CYRIA: variants seen among roughly 807,000 people sequenced by gnomAD.
CYRIA encodes CYFIP-related Rac1 interactor A.
In CYRIA, 15 loss-of-function variants were observed where a neutral mutation model predicts 43.9. The observed-to-expected ratio is 0.34, with a 90% confidence interval of 0.23 to 0.53. CYRIA has a LOEUF of 0.53. Ranked by LOEUF, CYRIA falls within the 20% of genes least tolerant of loss-of-function variation. The probability of loss-of-function intolerance (pLI) is 0.94; values close to 1 mark genes in which losing one functional copy is unlikely to be tolerated. For missense variants in CYRIA, 236 were observed against 394.2 expected (o/e 0.60, Z 3.40); for synonymous variants, 117 against 136.0 (o/e 0.86, Z 0.97).
intron 1 of CYRIA, among the ~76,000 whole-genome samples, chr2:16,663,942 A>C (rs1425739756): frequency 1.3e-5 from 2 of 152,140 alleles, no homozygotes; most frequent in African/African-American, 4.8e-5. Context: ...TTTTCCATTC[A>C]TTGAACCAAA....
At chr2:16,589,035 T>A (rs1667831895) in intron 2 of CYRIA, among the ~76,000 whole-genome samples, 1 of 152,104 alleles carries the variant, frequency 6.6e-6, no homozygotes, top group South Asian at 2.1e-4. Flanking sequence ...GCTCTAGACA[T>A]TAAACTATCT....
At chr2:16,601,603 T>C (rs945984471) in intron 2 of CYRIA, among the ~76,000 whole-genome samples, 4 of 152,024 alleles carry the variant, frequency 2.6e-5, no homozygotes, top group Non-Finnish European at 4.4e-5. Context: ...ATGACCGCTT[T>C]CTTGGCTCTC....
chr2:16,632,082 GA>G (rs1482792782), intron 1 of CYRIA, among the ~76,000 whole-genome samples: 2 of 152,222 alleles, frequency 1.3e-5, no homozygotes, highest in Non-Finnish European at 2.9e-5. Context: ...GTGTTCCGTA[GA>G]GACCACTTAT....
At chr2:16,623,655 C>T (rs1669068989) in intron 2 of CYRIA, among the ~76,000 whole-genome samples, 1 of 152,192 alleles carries the variant, frequency 6.6e-6, no homozygotes, top group Non-Finnish European at 1.5e-5. Context: ...ATGTAATTCT[C>T]AGCTACCCTC....
intron 2 of CYRIA, among the ~76,000 whole-genome samples, chr2:16,590,480 AAG>A (rs912390938): frequency 9.9e-5 from 15 of 152,186 alleles, no homozygotes; most frequent in African/African-American, 3.6e-4. Context: ...AATGTATCAT[AAG>A]AGACTTGCAT....
chr2:16,565,892 T>A, intron 3 of CYRIA, 125 bp from the exon 4 acceptor site: 1 of 925,660 alleles, frequency 1.1e-6, no homozygotes, highest in African/African-American at 1.7e-5. Flanking sequence ...TATTTACTCT[T>A]TAACCTAATA....
At chr2:16,620,072 G>A (rs961446698) in intron 2 of CYRIA, among the ~76,000 whole-genome samples, 1 of 152,196 alleles carries the variant, frequency 6.6e-6, no homozygotes, top group Non-Finnish European at 1.5e-5. Flanking sequence ...GAAACTCCTT[G>A]AGGTGCTGAC....
At chr2:16,643,215 C>T (rs1669727448) in intron 1 of CYRIA, among the ~76,000 whole-genome samples, 1 of 152,142 alleles carries the variant, frequency 6.6e-6, no homozygotes, top group African/African-American at 2.4e-5. Flanking sequence ...ATGAAGTAGG[C>T]ATTCAATAAA....
At chr2:16,665,115 T>C (rs1670355770) in intron 1 of CYRIA, among the ~76,000 whole-genome samples, 1 of 152,096 alleles carries the variant, frequency 6.6e-6, no homozygotes, top group African/African-American at 2.4e-5. Flanking sequence ...ACAAGACAGG[T>C]GTCTCCACCA....
At chr2:16,588,429 T>TAA (rs74552750) in intron 2 of CYRIA, among the ~76,000 whole-genome samples, 4,015 of 140,276 alleles carry the variant, frequency 0.029, 179 homozygotes, top group South Asian at 0.09. Context: ...GTTCACCATA[T>TAA]AAAAAAAAAA....
intron 1 of CYRIA, among the ~76,000 whole-genome samples, chr2:16,657,237 G>A (rs73918640): frequency 0.08 from 12,171 of 152,160 alleles, 842 homozygotes; most frequent in African/African-American, 0.19. Context: ...CTCACGCTCG[G>A]CTGAGGCTTT....
intron 1 of CYRIA, among the ~76,000 whole-genome samples, chr2:16,647,196 TCC>T (rs1669845668): frequency 6.6e-6 from 1 of 152,240 alleles, no homozygotes; most frequent in Non-Finnish European, 1.5e-5. Flanking sequence ...GGTACAATCT[TCC>T]TTCCAAAAAG....
intron 1 of CYRIA, among the ~76,000 whole-genome samples, chr2:16,655,833 A>G (rs1378688936): frequency 6.6e-6 from 1 of 151,880 alleles, no homozygotes; most frequent in African/African-American, 2.4e-5. Flanking sequence ...CTAAAGTCGC[A>G]TATGCAAATG....
chr2:16,624,638 T>TCAGAG (rs1669100959), intron 1 of CYRIA, among the ~76,000 whole-genome samples: 1 of 152,216 alleles, frequency 6.6e-6, no homozygotes, highest in African/African-American at 2.4e-5. Flanking sequence ...TGTCCACGTT[T>TCAGAG]CAGAGAAACA....
chr2:16,620,369 A>G (rs1357867083), intron 2 of CYRIA, among the ~76,000 whole-genome samples: 1 of 152,226 alleles, frequency 6.6e-6, no homozygotes, highest in Non-Finnish European at 1.5e-5. Context: ...CTATCTGTGT[A>G]CTAAGACTGG....
chr2:16,578,369 C>A (rs116409641), intron 3 of CYRIA, among the ~76,000 whole-genome samples: 2,620 of 152,236 alleles, frequency 0.017, 33 homozygotes, highest in Non-Finnish European at 0.026. Context: ...AATTAACAAA[C>A]ACAAAGCAAG....
chr2:16,561,294 G>T lies in CYRIA; in HGVS notation c.514-17C>A, dbSNP rs775269991. ...AATGTCTAGCTGATGAAAATAAGAA[G>T]AGAAGATGGATTTATAAAGAGAAAG... On this transcript the variant is annotated splice_polypyrimidine_tract_variant and intron_variant, in intron 7 of 11. Coordinates refer to ENST00000381323, the MANE Select transcript of CYRIA (RefSeq NM_030797.4). 6.4e-7 allele frequency: 1 copy of T among 1,574,322 alleles called. No individual in the cohort carries two copies. Among genetic ancestry groups the T allele is most frequent in the South Asian group, 1.1e-5 (1 of 90,152 alleles).
chr2:16,552,868 G>T lies in CYRIA; in HGVS notation c.*68C>A. On this transcript the variant is annotated 3_prime_UTR_variant, in exon 12 of 12. Transcript: ENST00000381323. ...AATACACAAGTATTAACATCAATCT[G>T]TATTAAATTATGTAAACATATACAT... is the stretch of plus-strand genomic sequence containing the variant. 1.0e-6 allele frequency: 1 copy of T among 986,002 alleles called. No homozygotes were observed. The highest frequency in any genetic ancestry group is 1.6e-6 in the Non-Finnish European group (1 of 609,100). The allele number at this position is 986,002 out of a possible 1,614,324, so 61.1% of individuals were successfully genotyped here.
chr2:16,568,628 G>A (rs1313266376), intron 3 of CYRIA, among the ~76,000 whole-genome samples: 1 of 152,066 alleles, frequency 6.6e-6, no homozygotes, highest in African/African-American at 2.4e-5. Context: ...ATAAAACACT[G>A]ACTATTCAAA....
Sources: gnomAD v4.1 joint callset for allele counts (sites outside exome capture counted in the v4.1 genomes callset) on GRCh38, gnomAD v4.1.1 for gene constraint, MANE v1.5 for transcripts, NCBI Gene and HGNC (gene_info 2026-07-23, HGNC 2026-07-21) for gene names.